The following PLEKHH1 variants were observed in gnomAD, a reference collection of about 807,000 sequenced individuals.
The protein encoded by PLEKHH1 is pleckstrin homology, MyTH4 and FERM domain containing H1.
A neutral mutation model predicts 160.0 loss-of-function variants in PLEKHH1; 104 were observed. The ratio of observed to expected loss-of-function variants is 0.65; its 90% CI spans 0.55 to 0.76. The LOEUF is 0.76. PLEKHH1 is among the 30% of genes least tolerant of loss of function. The probability of loss-of-function intolerance (pLI) is 0.00; values close to 1 mark genes in which losing one functional copy is unlikely to be tolerated. For missense variants in PLEKHH1, 1,427 were observed against 1,724.1 expected (o/e 0.83, Z 3.05); for synonymous variants, 619 against 678.4 (o/e 0.91, Z 1.36).
chr14:67,549,234 GGTGTGTGTGC>G (rs952509254), intron 2 of PLEKHH1, among the ~76,000 whole-genome samples: 9 of 151,694 alleles, frequency 5.9e-5, no homozygotes, highest in African/African-American at 2.2e-4. Context: ...TATTCTGTGG[GGTGTGTGTGC>G]GTGTGTGTGT....
intron 7 of PLEKHH1, among the ~76,000 whole-genome samples, chr14:67,568,281 C>T (rs564572943): frequency 2.0e-4 from 30 of 152,150 alleles, no homozygotes; most frequent in Non-Finnish European, 3.7e-4. Context: ...GGAATGAGGT[C>T]ATGTCCTTTG....
intron 27 of PLEKHH1, 53 bp downstream of exon 27, chr14:67,585,707 T>A: frequency 7.6e-7 from 1 of 1,320,374 alleles, no homozygotes; most frequent in Non-Finnish European, 1.1e-6. Context: ...CAACATGGTC[T>A]TTTCTTCTCC....
rs2036284013 is a variant in PLEKHH1, at chr14:67,589,085, G to C, written c.*1850G>C. The C allele has an allele frequency of 6.5e-6, 1 of 152,794 alleles. No homozygotes were observed. The highest frequency in any genetic ancestry group is 1.5e-5 in the Non-Finnish European group (1 of 68,272). 9.5% of individuals were successfully genotyped at this position (152,794 alleles called of 1,614,324 possible). On this transcript the variant is annotated 3_prime_UTR_variant, in exon 29 of 29. Transcript: ENST00000329153. ...GCTGGTGACAGACATAACAGCTCTG[G>C]TTTTATAATATCTTGGGTATCTCTA...
chr14:67,584,285 G>A (rs753488680), intron 26 of PLEKHH1, among the ~76,000 whole-genome samples, 161 bp downstream of exon 26: 1 of 152,176 alleles, frequency 6.6e-6, no homozygotes, highest in African/African-American at 2.4e-5. Flanking sequence ...ACAGTCCAGA[G>A]CAGAATTGTG....
Position 67,589,319 on chromosome 14 carries a change from T to C in PLEKHH1, c.*2084T>C, listed in dbSNP as rs2036293805. 8 of 976,646 alleles carry C rather than the reference T, an allele frequency of 8.2e-6. No homozygotes were observed. Among genetic ancestry groups the C allele is most frequent in the Non-Finnish European group, 9.7e-6 (8 of 822,034 alleles). The allele number at this position is 976,646 out of a possible 1,614,324, so 60.5% of individuals were successfully genotyped here. A position where few individuals can be genotyped will look rare whatever the true frequency, so the allele number is the denominator to read the frequency against. ...AACTTAGAAACAAAGGATTCAATAT[T>C]TGCTTATTTATTCTTTGTTAACATG... On this transcript the variant is annotated 3_prime_UTR_variant, in exon 29 of 29. Transcript: ENST00000329153.
At chr14:67,570,226 C>G (rs2140458405) in intron 9 of PLEKHH1, 1 of 413,796 alleles carries the variant, frequency 2.4e-6, no homozygotes. Flanking sequence ...TGAACGTGGA[C>G]AAGGTAAGAA....
chr14:67,547,343 G>A (rs2034220745), intron 2 of PLEKHH1, among the ~76,000 whole-genome samples: 1 of 152,230 alleles, frequency 6.6e-6, no homozygotes, highest in South Asian at 2.1e-4. Flanking sequence ...TGTCAGGATT[G>A]TGTCTGTCCT....
At position 67,555,822 on chromosome 14, in the gene PLEKHH1, C is replaced by A; in HGVS notation, c.127-3C>A. The A allele has an allele frequency of 6.2e-7, 1 of 1,613,028 alleles. No homozygotes were observed. Among genetic ancestry groups the A allele is most frequent in the Non-Finnish European group, 8.5e-7 (1 of 1,179,384 alleles). On this transcript the variant is annotated splice_region_variant and splice_polypyrimidine_tract_variant and intron_variant, in intron 2 of 28. Coordinates refer to ENST00000329153, the MANE Select transcript of PLEKHH1 (RefSeq NM_020715.3). ...CATCTCCCCTTTCTCTCTGGCCAAG[C>A]AGATGCAGGAGCTGGAGCAGAGGCT... is the stretch of plus-strand genomic sequence containing the variant.
intron 7 of PLEKHH1, among the ~76,000 whole-genome samples, chr14:67,567,243 C>T (rs533722739): frequency 2.6e-5 from 4 of 152,146 alleles, no homozygotes; most frequent in East Asian, 1.9e-4. Context: ...CTGGGGAGGG[C>T]GGTGGGGGAA....
In PLEKHH1 at chr14:67,581,461, G is replaced by A. The variant is rs376058572; in HGVS notation, c.3284+423G>A. 2.1e-4 allele frequency: 37 copies of A among 174,842 alleles called. 1 individual carries two copies. The East Asian group carries it at 5.8e-3, about 28-fold the overall frequency. The allele number at this position is 174,842 out of a possible 1,614,324, so 10.8% of individuals were successfully genotyped here. On this transcript the variant is annotated intron_variant, in intron 23 of 28. Coordinates refer to ENST00000329153, the MANE Select transcript of PLEKHH1 (RefSeq NM_020715.3). ...GGATCACTTAAACCTGGGAGGTTGAGGCTGCAGTGAGCTGAGATCACGCCA... is the reference window on the plus strand; with the variant it reads ...GGATCACTTAAACCTGGGAGGTTGAAGCTGCAGTGAGCTGAGATCACGCCA...
Position 67,576,038 on chromosome 14 carries a change from C to T in PLEKHH1, c.2352+33C>T. On this transcript the variant is annotated intron_variant, in intron 16 of 28. Coordinates refer to ENST00000329153, the MANE Select transcript of PLEKHH1 (RefSeq NM_020715.3). The surrounding 1 kb of genome is among the most constrained non-coding windows in gnomAD (Gnocchi z 4.0). Reference sequence around the variant, plus strand: ...AGAGGGCTGGGCCTCCAGGGCCAAGCTTGGACCTGTGATTCTGATCTTCCC... The same window carrying T: ...AGAGGGCTGGGCCTCCAGGGCCAAGTTTGGACCTGTGATTCTGATCTTCCC... 2.6e-6 allele frequency: 4 copies of T among 1,520,214 alleles called. No individual in the cohort carries two copies. The highest frequency in any genetic ancestry group is 2.3e-5 in the East Asian group (1 of 43,968). The allele number at this position is 1,520,214 out of a possible 1,614,324, so 94.2% of individuals were successfully genotyped here.
intron 1 of PLEKHH1, among the ~76,000 whole-genome samples, chr14:67,537,370 TAATAATAATAAA>T (rs1377120683): frequency 1.2e-4 from 16 of 136,940 alleles, no homozygotes; most frequent in South Asian, 2.3e-4. Flanking sequence ...ATAATAATAA[TAATAATAATAAA>T]AACTTAATCT....
intron 3 of PLEKHH1, among the ~76,000 whole-genome samples, chr14:67,556,402 C>A (rs1165287322): frequency 6.6e-6 from 1 of 152,184 alleles, no homozygotes; most frequent in African/African-American, 2.4e-5. Context: ...TCCCAAAGTG[C>A]TGAGATTACA....
At chr14:67,545,272 G>A (rs995448441) in intron 2 of PLEKHH1, among the ~76,000 whole-genome samples, 1 of 152,122 alleles carries the variant, frequency 6.6e-6, no homozygotes, top group Non-Finnish European at 1.5e-5. Flanking sequence ...GTTATACCCA[G>A]CTACAAAGAA....
At chr14:67,562,081 G>A in intron 6 of PLEKHH1, 46 bp downstream of exon 6, 1 of 1,604,992 alleles carries the variant, frequency 6.2e-7, no homozygotes, top group East Asian at 2.2e-5. Context: ...GTGTTTGGTG[G>A]GTATGGGGCT....
chr14:67,541,754 G>A, intron 1 of PLEKHH1, 80 bp from the exon 2 acceptor site: 1 of 948,390 alleles, frequency 1.1e-6, no homozygotes, highest in Non-Finnish European at 1.5e-6. Context: ...CTGTCCTTTG[G>A]TCCCCTCCCG....
At chr14:67,539,276 T>C (rs148968883) in intron 1 of PLEKHH1, among the ~76,000 whole-genome samples, 8 of 152,310 alleles carry the variant, frequency 5.3e-5, no homozygotes, top group Non-Finnish European at 1.2e-4. Context: ...AAGGTCATGT[T>C]TTGTTTTTGT....
At position 67,576,479 on chromosome 14, in the gene PLEKHH1, CTG is replaced by C; in HGVS notation, c.2438_2439del (p.Leu813HisfsTer4). ...GTAYEQLIGK[L>X]MDGEGDPDSP... ...TGCCTATGAGCAGCTCATTGGAAAA[CTG>C]ATGGATGGTGAAGGAGATCCAGGTA... On this transcript the variant is annotated frameshift_variant, in exon 17 of 29. Transcript: ENST00000329153. LOFTEE classifies it high-confidence loss of function. This position sits in a 1 kb window ranked among gnomAD's most constrained non-coding sequence, Gnocchi z 4.0. 6.3e-7 allele frequency: 1 copy of C among 1,592,374 alleles called. No individual in the cohort carries two copies. Among genetic ancestry groups the C allele is most frequent in the Non-Finnish European group, 8.6e-7 (1 of 1,160,244 alleles).
Position 67,573,081 on chromosome 14 carries a change from C to T in PLEKHH1, c.1729-195C>T, listed in dbSNP as rs1417163363. Among the ~76,000 whole-genome samples, 1 of 152,212 alleles carries T rather than the reference C, an allele frequency of 6.6e-6. No individual in the cohort carries two copies. The highest frequency in any genetic ancestry group is 2.4e-5 in the African/African-American group (1 of 41,438). On this transcript the variant is annotated intron_variant, in intron 11 of 28. Transcript: ENST00000329153. This position sits in a 1 kb window ranked among gnomAD's most constrained non-coding sequence, Gnocchi z 4.8. ...GCATGGGAGCCCTTCCTTGGCAGGACCACCCATGTTTTATTTAGTCCTCTC... is the reference window on the plus strand; with the variant it reads ...GCATGGGAGCCCTTCCTTGGCAGGATCACCCATGTTTTATTTAGTCCTCTC...
Sources: gnomAD v4.1 joint callset for allele counts (sites outside exome capture counted in the v4.1 genomes callset) on GRCh38, gnomAD v4.1.1 for gene constraint, Gnocchi (gnomAD v3.1) non-coding constraint, MANE v1.5 for transcripts, NCBI Gene and HGNC (gene_info 2026-07-23, HGNC 2026-07-21) for gene names.